The following TEX11 variants were observed in gnomAD, a reference collection of about 807,000 sequenced individuals.
TEX11 encodes testis expressed 11, also known as testis-expressed protein 11.
TEX11 carries 7 observed loss-of-function variants against 84.4 expected under a neutral mutation model. That is an observed-to-expected ratio of 0.08 (90% CI 0.05 to 0.16). The LOEUF (loss-of-function observed/expected upper bound fraction) is 0.16, where lower values mean the gene tolerates loss of function less well. Ranked by LOEUF, TEX11 falls within the 10% of genes least tolerant of loss-of-function variation. The probability of loss-of-function intolerance (pLI) is 1.00; values close to 1 mark genes in which losing one functional copy is unlikely to be tolerated. For missense variants in TEX11, 551 were observed against 660.5 expected (o/e 0.83, Z 1.82); for synonymous variants, 264 against 222.8 (o/e 1.18, Z -1.64).
intron 28 of TEX11, among the ~76,000 whole-genome samples, chrX:70,540,783 G>A (rs953902503): frequency 4.5e-5 from 5 of 111,714 alleles, no homozygotes; most frequent in African/African-American, 1.6e-4. Flanking sequence ...AGCTCTTCCT[G>A]GGGAGCCTCC....
intron 9 of TEX11, among the ~76,000 whole-genome samples, chrX:70,793,799 A>G (rs1398724688): frequency 1.8e-5 from 2 of 111,504 alleles, no homozygotes. Context: ...TCCAAATAGG[A>G]AAAGAAGAAG....
At chrX:70,708,238 C>T (rs913040553) in intron 13 of TEX11, among the ~76,000 whole-genome samples, 1 of 111,437 alleles carries the variant, frequency 9.0e-6, no homozygotes, top group Admixed American at 9.6e-5. Context: ...CAAATCAAAA[C>T]CACAATGAGA....
At chrX:70,629,532 T>C in intron 18 of TEX11, 79 bp downstream of exon 18, 2 of 1,092,922 alleles carry the variant, frequency 1.8e-6, no homozygotes, top group Non-Finnish European at 2.5e-6. Flanking sequence ...CTTCTGTGTC[T>C]AACTGATAAT....
intron 24 of TEX11, among the ~76,000 whole-genome samples, chrX:70,598,578 G>A (rs1004560872): frequency 5.8e-4 from 65 of 111,895 alleles, no homozygotes; most frequent in African/African-American, 1.8e-3. Flanking sequence ...TGTTCATCAC[G>A]GCATTATTCA....
intron 8 of TEX11, among the ~76,000 whole-genome samples, chrX:70,825,227 G>A (rs1248966092): frequency 9.1e-6 from 1 of 109,936 alleles, no homozygotes; most frequent in Admixed American, 9.8e-5. Context: ...CAGGAAAAGC[G>A]CTTGAACCCG....
At chrX:70,839,829 C>G (rs1351573046) in intron 7 of TEX11, among the ~76,000 whole-genome samples, 3 of 111,656 alleles carry the variant, frequency 2.7e-5, no homozygotes, top group African/African-American at 9.8e-5. Context: ...GGCACGAGAG[C>G]TACGTGATGA....
chrX:70,864,655 T>G (rs1270903592), intron 4 of TEX11, among the ~76,000 whole-genome samples: 3 of 101,554 alleles, frequency 3.0e-5, no homozygotes, highest in Non-Finnish European at 5.9e-5. Flanking sequence ...GGCAGAAGAA[T>G]CACTCAAACC....
intron 9 of TEX11, among the ~76,000 whole-genome samples, chrX:70,751,310 A>T (rs1297150676): frequency 9.3e-6 from 1 of 107,831 alleles, no homozygotes; most frequent in African/African-American, 3.4e-5. Context: ...ACCATAAAAA[A>T]CGATGAGTTC....
chrX:70,906,424 C>T (rs964018323), intron 2 of TEX11, among the ~76,000 whole-genome samples: 12 of 109,202 alleles, frequency 1.1e-4, no homozygotes, highest in African/African-American at 4.0e-4. Flanking sequence ...ATCTTTATAC[C>T]TTTAAGATAT....
chrX:70,807,686 A>G (rs2091226824), intron 8 of TEX11, among the ~76,000 whole-genome samples: 1 of 111,876 alleles, frequency 8.9e-6, no homozygotes, highest in Non-Finnish European at 1.9e-5. Context: ...CAAGTTATTC[A>G]TAAGTAATGT....
intron 9 of TEX11, among the ~76,000 whole-genome samples, chrX:70,769,163 G>A (rs1008161196): frequency 9.0e-6 from 1 of 111,307 alleles, no homozygotes; most frequent in Non-Finnish European, 1.9e-5. Flanking sequence ...CTTAGGAAAA[G>A]GGAAAAGGAA....
chrX:70,731,022 T>C (rs768343421), intron 11 of TEX11, among the ~76,000 whole-genome samples: 105 of 111,630 alleles, frequency 9.4e-4, no homozygotes, highest in African/African-American at 3.1e-3. Context: ...CTCAACTACA[T>C]GGAAACTGAA....
intron 25 of TEX11, among the ~76,000 whole-genome samples, chrX:70,587,947 C>CT (rs775018436): frequency 1.4e-4 from 16 of 112,577 alleles, no homozygotes; most frequent in Non-Finnish European, 2.8e-4. Context: ...CATTTTGGAG[C>CT]TTTAAGATTT....
intron 9 of TEX11, among the ~76,000 whole-genome samples, chrX:70,784,410 A>C (rs2091063581): frequency 1.8e-5 from 2 of 111,890 alleles, no homozygotes; most frequent in African/African-American, 6.5e-5. Flanking sequence ...TTTCCTTTGA[A>C]AACCGGCACA....
chrX:70,879,113 G>A (rs746450462), intron 3 of TEX11, among the ~76,000 whole-genome samples: 1 of 111,109 alleles, frequency 9.0e-6, no homozygotes, highest in African/African-American at 3.3e-5. Flanking sequence ...CTAGGGCTGA[G>A]GGTGAGGGAG....
intron 17 of TEX11, among the ~76,000 whole-genome samples, chrX:70,645,082 G>A (rs5936579): frequency 2.3e-4 from 25 of 108,690 alleles, no homozygotes; most frequent in African/African-American, 8.3e-4. Context: ...ATATAAAACC[G>A]AGATGGAATC....
rs769159981 is a variant in TEX11 at position 70,610,504 on chromosome X, T to C, written c.1791A>G (p.Arg597=). The C allele has an allele frequency of 1.4e-5, 17 of 1,205,925 alleles. No homozygotes were observed. The highest frequency in any genetic ancestry group is 6.6e-5 in the Admixed American group (3 of 45,385). Residue 597 remains arginine, a splice_region_variant and synonymous_variant, in exon 21 of 30, where the codon AGA becomes AGG. Transcript: ENST00000374333. ...EMDRLLTCLN[R]AFVKLSQPFG... ...GAATATAACCAGGGAGATATTTACCTCTATTCAGGCAAGTCAAAAGTCGAT... is the reference window on the plus strand; with the variant it reads ...GAATATAACCAGGGAGATATTTACCCCTATTCAGGCAAGTCAAAAGTCGAT...
intron 25 of TEX11, among the ~76,000 whole-genome samples, chrX:70,556,471 G>T (rs919023939): frequency 1.8e-5 from 2 of 111,922 alleles, no homozygotes; most frequent in African/African-American, 3.2e-5. Flanking sequence ...TGTGGTCAGA[G>T]AAAATACTTG....
chrX:70,629,331 T>C (rs1328445380), intron 18 of TEX11, among the ~76,000 whole-genome samples: 2 of 112,283 alleles, frequency 1.8e-5, no homozygotes, highest in Non-Finnish European at 3.8e-5. Flanking sequence ...TGGTATGGCA[T>C]TTTGAATTTG....
Sources: allele counts gnomAD v4.1 joint callset (sites outside exome capture counted in the v4.1 genomes callset), GRCh38; gene constraint gnomAD v4.1.1; transcripts MANE v1.5; gene names NCBI Gene and HGNC (gene_info 2026-07-23, HGNC 2026-07-21).